NTRK3: variants seen among roughly 807,000 people sequenced by gnomAD.
NTRK3 encodes NT-3 growth factor receptor.
In NTRK3, 24 loss-of-function variants were observed where a neutral mutation model predicts 91.7. That is an observed-to-expected ratio of 0.26 (90% CI 0.19 to 0.37). The LOEUF is 0.37. Among genes scored for constraint, NTRK3 ranks in the 10% least tolerant of loss-of-function variants. The probability of loss-of-function intolerance (pLI) is 1.00; values close to 1 mark genes in which losing one functional copy is unlikely to be tolerated. For synonymous variants in NTRK3, 483 were observed against 404.0 expected (o/e 1.20, Z -2.34); for missense variants, 880 against 1,068.9 (o/e 0.82, Z 2.46).
chr15:88,136,786 G>A (rs1027976562), intron 7 of NTRK3, among the ~76,000 whole-genome samples, 177 bp from the exon 8 acceptor site: 7 of 152,188 alleles, frequency 4.6e-5, no homozygotes, highest in African/African-American at 1.4e-4. Context: ...CTCCCCAGTA[G>A]ACATCAGAAC....
chr15:87,908,718 C>T (rs1567094778), intron 17 of NTRK3, among the ~76,000 whole-genome samples: 1 of 152,306 alleles, frequency 6.6e-6, no homozygotes, highest in East Asian at 1.9e-4. Context: ...GGGCCTCAAA[C>T]ATTTGTCCTG....
At chr15:87,979,628 T>C (rs1418295983) in intron 14 of NTRK3, among the ~76,000 whole-genome samples, 1 of 152,162 alleles carries the variant, frequency 6.6e-6, no homozygotes, top group African/African-American at 2.4e-5. Context: ...CTTAAAACCC[T>C]GCATGGTCAG....
At chr15:87,885,655 A>G (rs1052991556) in intron 17 of NTRK3, 39 bp downstream of exon 18, 2 of 1,117,402 alleles carry the variant, frequency 1.8e-6, no homozygotes, top group Non-Finnish European at 2.5e-6. Flanking sequence ...TGTTGGGACA[A>G]TGAACTATTC....
intron 15 of NTRK3, among the ~76,000 whole-genome samples, chr15:87,939,196 A>G (rs2142004824): frequency 6.6e-6 from 1 of 152,296 alleles, no homozygotes; most frequent in Non-Finnish European, 1.5e-5. Flanking sequence ...GTATCTAAGC[A>G]CATTCAGTAA....
intron 17 of NTRK3, among the ~76,000 whole-genome samples, chr15:87,894,481 C>T (rs1276327742): frequency 6.6e-6 from 1 of 152,124 alleles, no homozygotes; most frequent in East Asian, 1.9e-4. Context: ...CAGACCTGGG[C>T]CTGTCGGTCC....
chr15:88,066,259 T>C (rs982384585), intron 13 of NTRK3, among the ~76,000 whole-genome samples: 42 of 152,220 alleles, frequency 2.8e-4, no homozygotes, highest in African/African-American at 1.0e-3. Flanking sequence ...TGATGGGTAG[T>C]TGGCCATTAA....
chr15:88,187,150 A>G (rs891004677), intron 3 of NTRK3, among the ~76,000 whole-genome samples: 1 of 152,198 alleles, frequency 6.6e-6, no homozygotes, highest in African/African-American at 2.4e-5. Context: ...AAATGGTATC[A>G]GGCTTCTGCT....
At chr15:88,216,402 T>C (rs1314627321) in intron 3 of NTRK3, among the ~76,000 whole-genome samples, 1 of 152,208 alleles carries the variant, frequency 6.6e-6, no homozygotes, top group East Asian at 1.9e-4. Context: ...CTCACCCCTG[T>C]GGGCCTGGAG....
chr15:88,055,707 C>A (rs2045617361), intron 13 of NTRK3, among the ~76,000 whole-genome samples: 1 of 152,132 alleles, frequency 6.6e-6, no homozygotes, highest in Non-Finnish European at 1.5e-5. Context: ...AACATGAGAA[C>A]CCAGGATTTC....
intron 17 of NTRK3, among the ~76,000 whole-genome samples, chr15:87,884,556 C>A (rs977238700): frequency 6.6e-6 from 1 of 151,626 alleles, no homozygotes; most frequent in Non-Finnish European, 1.5e-5. Context: ...ACATAGTTAT[C>A]TATATGTGTG....
rs534946904 is a variant in NTRK3 at position 88,234,169 on chromosome 15, T to C, written c.248+21737A>G. ...AGTCAGGAGACGATGGACAGCACCCTAGTCCAATCACATCTGCCCCTCTCA... is the reference window on the plus strand; with the variant it reads ...AGTCAGGAGACGATGGACAGCACCCCAGTCCAATCACATCTGCCCCTCTCA... On this transcript the variant is annotated intron_variant, in intron 3 of 18. Coordinates refer to ENST00000394480, the Ensembl canonical transcript of NTRK3. The surrounding 1 kb of genome is among the most constrained non-coding windows in gnomAD (Gnocchi z 6.1). Among the ~76,000 whole-genome samples the C allele has an allele frequency of 6.6e-6, 1 of 152,168 alleles. No individual in the cohort carries two copies. The highest frequency in any genetic ancestry group is 1.5e-5 in the Non-Finnish European group (1 of 67,980).
At chr15:88,086,975 T>G (rs1039277271) in intron 13 of NTRK3, among the ~76,000 whole-genome samples, 1 of 152,236 alleles carries the variant, frequency 6.6e-6, no homozygotes, top group African/African-American at 2.4e-5. Flanking sequence ...ATCAGTTACT[T>G]AACCTCTCCA....
At chr15:88,098,509 G>A (rs1597302134) in intron 13 of NTRK3, 1 of 218,914 alleles carries the variant, frequency 4.6e-6, no homozygotes, top group Admixed American at 5.8e-5. Context: ...CAGCAACCTG[G>A]GTGGGATGGA....
intron 3 of NTRK3, among the ~76,000 whole-genome samples, chr15:88,229,013 A>C (rs928174734): frequency 2.2e-4 from 33 of 152,140 alleles, no homozygotes; most frequent in African/African-American, 7.7e-4. Context: ...GCCCCTCACC[A>C]GGACATATTG....
rs1019234905 is a variant in NTRK3, at chr15:88,233,872, C to T, written c.248+22034G>A. Among the ~76,000 whole-genome samples, 1 of 152,186 alleles carries T rather than the reference C, an allele frequency of 6.6e-6. No homozygotes were observed. The highest frequency in any genetic ancestry group is 2.4e-5 in the African/African-American group (1 of 41,430). ...AAAGCCAGAAACATGGCTCTCAGGG[C>T]TGTGAAAACAAATCATTAAATAAGT... On this transcript the variant is annotated intron_variant, in intron 3 of 18. Transcript: ENST00000394480. The surrounding 1 kb of genome is among the most constrained non-coding windows in gnomAD (Gnocchi z 4.2).
intron 3 of NTRK3, among the ~76,000 whole-genome samples, chr15:88,252,002 G>T (rs905008228): frequency 5.9e-5 from 9 of 152,156 alleles, no homozygotes; most frequent in Non-Finnish European, 1.3e-4. Context: ...GGGGCAGGGG[G>T]TCTTGGCTCT....
intron 11 of NTRK3, 95 bp downstream of exon 11, chr15:88,128,616 A>T (rs2053524139): frequency 7.7e-7 from 1 of 1,300,872 alleles, no homozygotes; most frequent in Non-Finnish European, 1.1e-6. Context: ...TGGGCCAGGG[A>T]TGATGTGGAA....
chr15:88,021,932 G>A (rs533782214), intron 14 of NTRK3, among the ~76,000 whole-genome samples: 1 of 152,186 alleles, frequency 6.6e-6, no homozygotes, highest in East Asian at 1.9e-4. Flanking sequence ...GGTGGGAGAA[G>A]GAGATCTTTT....
intron 13 of NTRK3, among the ~76,000 whole-genome samples, chr15:88,123,282 C>T (rs181365481): frequency 1.0e-3 from 157 of 152,278 alleles, no homozygotes; most frequent in Non-Finnish European, 1.8e-3. Context: ...AAGGTAGTAA[C>T]TTTGCTGAAG....
Sources: gnomAD v4.1 joint callset for allele counts (sites outside exome capture counted in the v4.1 genomes callset) on GRCh38, gnomAD v4.1.1 for gene constraint, Gnocchi (gnomAD v3.1) non-coding constraint, MANE v1.5 for transcripts, NCBI Gene and HGNC (gene_info 2026-07-23, HGNC 2026-07-21) for gene names.